The following C2CD3 variants were observed in gnomAD, a reference collection of about 807,000 sequenced individuals.
The protein encoded by C2CD3 is C2 domain containing 3 centriole elongation regulator.
A neutral mutation model predicts 234.0 loss-of-function variants in C2CD3; 148 were observed. The ratio of observed to expected loss-of-function variants is 0.63; its 90% CI spans 0.55 to 0.72. The LOEUF (loss-of-function observed/expected upper bound fraction) is 0.72, where lower values mean the gene tolerates loss of function less well. Ranked by LOEUF, C2CD3 falls within the 30% of genes least tolerant of loss-of-function variation. C2CD3 has a pLI of 0.00. For synonymous variants in C2CD3, 1,000 were observed against 1,035.4 expected (o/e 0.97, Z 0.66); for missense variants, 2,577 against 2,811.5 (o/e 0.92, Z 1.89).
intron 29 of C2CD3, among the ~76,000 whole-genome samples, chr11:74,037,950 A>T (rs2135417357): frequency 6.6e-6 from 1 of 152,162 alleles, no homozygotes. Context: ...GTCCAGCAAA[A>T]ATGCCACTTC....
chr11:74,082,589 A>C (rs1394188934), intron 22 of C2CD3, among the ~76,000 whole-genome samples: 2 of 152,112 alleles, frequency 1.3e-5, no homozygotes, highest in Non-Finnish European at 2.9e-5. Context: ...GATTATGTTT[A>C]TTGATTTGCA....
At chr11:74,055,227 A>C (rs1953899938) in intron 25 of C2CD3, among the ~76,000 whole-genome samples, 1 of 152,334 alleles carries the variant, frequency 6.6e-6, no homozygotes, top group South Asian at 2.1e-4. Flanking sequence ...AAGAGTCAGT[A>C]AGTAGTAGGG....
chr11:74,163,850 C>T (rs1856632330), intron 2 of C2CD3, among the ~76,000 whole-genome samples: 1 of 152,132 alleles, frequency 6.6e-6, no homozygotes, highest in Non-Finnish European at 1.5e-5. Flanking sequence ...AAATGATGTA[C>T]ACATGAAGAA....
intron 21 of C2CD3, 75 bp downstream of exon 21, chr11:74,085,543 T>C: frequency 6.9e-7 from 1 of 1,447,898 alleles, no homozygotes; most frequent in Non-Finnish European, 9.5e-7. Context: ...GCAGTATGTA[T>C]CTCCTAGGAA....
intron 23 of C2CD3, among the ~76,000 whole-genome samples, chr11:74,077,771 GTATATATATATATATA>G (rs553597652): frequency 1.0e-4 from 7 of 69,198 alleles, no homozygotes; most frequent in Non-Finnish European, 1.9e-4. Context: ...AGAACTTACA[GTATATATATATATATA>G]TATATATATA....
At chr11:74,018,005 GGGACACT>G (rs556413021) in intron 32 of C2CD3, among the ~76,000 whole-genome samples, 156 of 152,320 alleles carry the variant, frequency 1.0e-3, no homozygotes, top group African/African-American at 3.5e-3. Flanking sequence ...TGCAGTGGAA[GGGACACT>G]GGTCTGTGGC....
intron 24 of C2CD3, among the ~76,000 whole-genome samples, chr11:74,066,156 A>G (rs1447488244): frequency 6.6e-6 from 1 of 150,856 alleles, no homozygotes; most frequent in Non-Finnish European, 1.5e-5. Flanking sequence ...AGGTACATGG[A>G]TGAAGCTAGA....
At chr11:74,094,805 T>C (rs923813173) in intron 17 of C2CD3, among the ~76,000 whole-genome samples, 8 of 152,240 alleles carry the variant, frequency 5.3e-5, no homozygotes, top group Non-Finnish European at 1.0e-4. Context: ...GTGAGATATG[T>C]ATATGTACAT....
At chr11:74,050,010 C>A in intron 26 of C2CD3, among the ~76,000 whole-genome samples, 1 of 151,436 alleles carries the variant, frequency 6.6e-6, no homozygotes, top group Middle Eastern at 3.2e-3. Context: ...GAACCCCCAG[C>A]CTCAAGTGAT....
At chr11:74,089,867 AAG>A (rs1955808859) in intron 20 of C2CD3, among the ~76,000 whole-genome samples, 1 of 152,236 alleles carries the variant, frequency 6.6e-6, no homozygotes, top group African/African-American at 2.4e-5. Context: ...CAAAGAAATA[AAG>A]AGAGACTGTA....
chr11:74,028,899 G>A (rs1952413350), intron 31 of C2CD3, among the ~76,000 whole-genome samples: 1 of 152,210 alleles, frequency 6.6e-6, no homozygotes, highest in Non-Finnish European at 1.5e-5. Context: ...TGTGGGGATT[G>A]GGATGTGGCT....
At chr11:74,077,339 T>G (rs1035696534) in intron 23 of C2CD3, among the ~76,000 whole-genome samples, 1 of 152,158 alleles carries the variant, frequency 6.6e-6, no homozygotes, top group Non-Finnish European at 1.5e-5. Context: ...TGAGTTTGGA[T>G]GCACTCTAGT....
intron 20 of C2CD3, among the ~76,000 whole-genome samples, chr11:74,088,389 T>C (rs1053696638): frequency 2.0e-5 from 3 of 152,202 alleles, no homozygotes; most frequent in African/African-American, 7.2e-5. Flanking sequence ...GTGTCTGATT[T>C]CTAGAACAGT....
At chr11:74,159,962 T>C (rs752848178) in intron 3 of C2CD3, among the ~76,000 whole-genome samples, 4 of 152,214 alleles carry the variant, frequency 2.6e-5, no homozygotes, top group Non-Finnish European at 4.4e-5. Context: ...TTTTAACTTT[T>C]ATACTGTTAT....
In C2CD3 at chr11:74,081,499, A is replaced by C. The variant is rs113406806; in HGVS notation, c.4001-2782T>G. ...TTTTCTCATGTGTCAAATGAAAATA[A>C]TAAGATCCTATATCCTTACCTGTCA... On this transcript the variant is annotated intron_variant, in intron 22 of 32. Transcript: ENST00000334126. Among the ~76,000 whole-genome samples the C allele has an allele frequency of 2.0e-3, 309 of 152,334 alleles. 3 individuals are homozygous for C. Among genetic ancestry groups the C allele is most frequent in the African/African-American group, 6.9e-3 (286 of 41,592 alleles).
rs539513792 is a variant in C2CD3 at position 74,098,533 on chromosome 11, C to G, written c.2733-278G>C. On this transcript the variant is annotated intron_variant, in intron 15 of 32. Coordinates refer to ENST00000334126, the MANE Select transcript of C2CD3 (RefSeq NM_001286577.2). Reference sequence around the variant, plus strand: ...CCAGTGTCTGTGATTTGAACAGTATCTCATGGAGCTTTGCTAAACTGCATT... The same window carrying G: ...CCAGTGTCTGTGATTTGAACAGTATGTCATGGAGCTTTGCTAAACTGCATT... 1.7e-4 allele frequency among the ~76,000 whole-genome samples: 26 copies of G among 152,246 alleles called. No homozygotes were observed. In the South Asian group the frequency reaches 5.2e-3, roughly 30 times the overall value.
chr11:74,063,728 C>T (rs552925050), intron 24 of C2CD3, among the ~76,000 whole-genome samples: 5 of 152,080 alleles, frequency 3.3e-5, no homozygotes, highest in African/African-American at 4.8e-5. Flanking sequence ...ACAGGGATGC[C>T]CTCTCTCACC....
chr11:74,101,267 T>C (rs1025673003), intron 14 of C2CD3, among the ~76,000 whole-genome samples: 1 of 152,068 alleles, frequency 6.6e-6, no homozygotes, highest in Non-Finnish European at 1.5e-5. Context: ...GAATCAGAGA[T>C]CTAAGCCAAA....
chr11:74,033,529 T>C lies in C2CD3; in HGVS notation c.6631A>G (p.Asn2211Asp). Residue 2211 changes from asparagine (N) to aspartate (D), a missense_variant, in exon 31 of 33, where the codon AAT becomes GAT. Transcript: ENST00000334126. ...KEPKSEAPAE[N>D]EAATSELGDS... ...CCGAGCTCACTGGTGGCAGCTTCATTCTCAGCTGGGGCCTCTGACTTGGGC... is the reference window on the plus strand; with the variant it reads ...CCGAGCTCACTGGTGGCAGCTTCATCCTCAGCTGGGGCCTCTGACTTGGGC... 1 of 1,536,164 alleles carries C rather than the reference T, an allele frequency of 6.5e-7. No individual in the cohort carries two copies. Among genetic ancestry groups the C allele is most frequent in the Non-Finnish European group, 8.7e-7 (1 of 1,146,906 alleles).
Sources: allele counts gnomAD v4.1 joint callset (sites outside exome capture counted in the v4.1 genomes callset), GRCh38; gene constraint gnomAD v4.1.1; transcripts MANE v1.5; gene names NCBI Gene and HGNC (gene_info 2026-07-23, HGNC 2026-07-21).